GABRG3: variants seen among roughly 807,000 people sequenced by gnomAD.
GABRG3 encodes gamma-aminobutyric acid type A receptor subunit gamma3.
GABRG3 carries 25 observed loss-of-function variants against 48.8 expected under a neutral mutation model. The observed-to-expected ratio is 0.51, with a 90% CI of 0.37 to 0.72. GABRG3 has a LOEUF of 0.72. Among genes scored for constraint, GABRG3 ranks in the 30% least tolerant of loss-of-function variants. The pLI is 0.00. For missense variants in GABRG3, 394 were observed against 577.9 expected (o/e 0.68, Z 3.26); for synonymous variants, 227 against 217.6 (o/e 1.04, Z -0.38).
intron 5 of GABRG3, among the ~76,000 whole-genome samples, chr15:27,450,237 G>T (rs1387258738): frequency 6.6e-6 from 1 of 152,098 alleles, no homozygotes; most frequent in African/African-American, 2.4e-5. Flanking sequence ...TACCGCATAT[G>T]TTGCTTCAAA....
chr15:27,248,964 C>T (rs1890362084), intron 3 of GABRG3, among the ~76,000 whole-genome samples: 1 of 152,120 alleles, frequency 6.6e-6, no homozygotes, highest in Non-Finnish European at 1.5e-5. Flanking sequence ...GCTGAGGACC[C>T]CGAGACAGGC....
At chr15:27,359,642 C>T (rs1410415835) in intron 5 of GABRG3, among the ~76,000 whole-genome samples, 1 of 152,132 alleles carries the variant, frequency 6.6e-6, no homozygotes, top group Non-Finnish European at 1.5e-5. Flanking sequence ...AAGAAAAGCA[C>T]CTTTATGACT....
intron 2 of GABRG3, among the ~76,000 whole-genome samples, chr15:27,017,823 T>A (rs1356252804): frequency 6.6e-6 from 1 of 152,174 alleles, no homozygotes; most frequent in Non-Finnish European, 1.5e-5. Context: ...TAGCTTCACA[T>A]GGAAAGTAGG....
intron 3 of GABRG3, among the ~76,000 whole-genome samples, chr15:27,124,170 A>G (rs542626020): frequency 5.3e-5 from 8 of 152,372 alleles, no homozygotes; most frequent in Admixed American, 2.0e-4. Flanking sequence ...TGCAATGTCC[A>G]TGATTTCTAC....
intron 3 of GABRG3, among the ~76,000 whole-genome samples, chr15:27,047,853 A>G (rs1012753007): frequency 6.6e-6 from 1 of 152,224 alleles, no homozygotes; most frequent in African/African-American, 2.4e-5. Context: ...TTAATTGTGC[A>G]CTTTATCTTT....
At chr15:27,174,970 T>C (rs1595567024) in intron 3 of GABRG3, among the ~76,000 whole-genome samples, 1 of 152,122 alleles carries the variant, frequency 6.6e-6, no homozygotes, top group East Asian at 1.9e-4. Flanking sequence ...TCACAGTTTC[T>C]AGAACCTTCC....
At chr15:27,210,533 A>G (rs1171097445) in intron 3 of GABRG3, among the ~76,000 whole-genome samples, 1 of 152,306 alleles carries the variant, frequency 6.6e-6, no homozygotes, top group East Asian at 1.9e-4. Flanking sequence ...CCCCAAATTG[A>G]TACACAATTG....
chr15:27,173,551 C>T lies in GABRG3; in HGVS notation c.270+146730C>T, dbSNP rs116758658. ...TATATTTGGAGTACTTTTCCCTTAC[C>T]GTAACACTTGTAAGAAAATTTTGTT... On this transcript the variant is annotated intron_variant, in intron 3 of 9. Coordinates refer to ENST00000615808, the MANE Select transcript of GABRG3 (RefSeq NM_033223.5). Among the ~76,000 whole-genome samples, 749 of 151,986 alleles carry T rather than the reference C, an allele frequency of 4.9e-3. 5 individuals carry two copies. The highest frequency in any genetic ancestry group is 0.015 in the African/African-American group (615 of 41,454).
chr15:27,169,678 C>T (rs774815030), intron 3 of GABRG3, among the ~76,000 whole-genome samples: 2 of 152,144 alleles, frequency 1.3e-5, no homozygotes, highest in Non-Finnish European at 2.9e-5. Context: ...TCTCGGCAGG[C>T]TCAGGCTGCC....
chr15:27,244,205 C>T (rs144518750), intron 3 of GABRG3, among the ~76,000 whole-genome samples: 1 of 152,158 alleles, frequency 6.6e-6, no homozygotes, highest in African/African-American at 2.4e-5. Flanking sequence ...AAGAGAGGTG[C>T]TCACTGAGCT....
chr15:27,366,535 G>A (rs1468887232), intron 5 of GABRG3: 1 of 152,158 alleles, frequency 6.6e-6, no homozygotes, highest in South Asian at 2.1e-4. Context: ...CCCTGTCTGC[G>A]GGGTAGGTCT....
At chr15:27,436,135 A>C (rs1395542505) in intron 5 of GABRG3, among the ~76,000 whole-genome samples, 1 of 152,152 alleles carries the variant, frequency 6.6e-6, no homozygotes, top group African/African-American at 2.4e-5. Flanking sequence ...ACAAATATTC[A>C]TTTCTCACAA....
chr15:27,078,309 G>A (rs1896941356), intron 3 of GABRG3, among the ~76,000 whole-genome samples: 2 of 152,194 alleles, frequency 1.3e-5, no homozygotes, highest in Admixed American at 6.5e-5. Flanking sequence ...GTGTGAGCCA[G>A]TTCCTTCCAA....
intron 3 of GABRG3, among the ~76,000 whole-genome samples, chr15:27,140,870 C>G (rs1221083267): frequency 6.6e-6 from 1 of 152,092 alleles, no homozygotes; most frequent in East Asian, 1.9e-4. Context: ...TGATTTTTGA[C>G]ATCTCATTTA....
chr15:27,218,097 C>T (rs1319156451), intron 3 of GABRG3, among the ~76,000 whole-genome samples: 1 of 152,166 alleles, frequency 6.6e-6, no homozygotes, highest in Non-Finnish European at 1.5e-5. Context: ...GTAGCCTCCA[C>T]CCTCCAGCCT....
At chr15:27,211,834 AC>A (rs1416732984) in intron 3 of GABRG3, among the ~76,000 whole-genome samples, 14 of 152,172 alleles carry the variant, frequency 9.2e-5, no homozygotes, top group Admixed American at 1.3e-4. Context: ...ATCTGCAAAA[AC>A]TACTACATTG....
Position 27,352,100 on chromosome 15 carries a change from T to C in GABRG3, c.574+23212T>C, listed in dbSNP as rs536185558. ...GTATGGTGCATGTGTGTGTATGATG[T>C]GTGTATGTATGGTGTGTGTGTATGT... On this transcript the variant is annotated intron_variant, in intron 5 of 9. Transcript: ENST00000615808. The surrounding 1 kb of genome is among the most constrained non-coding windows in gnomAD (Gnocchi z 4.0). 7.3e-5 allele frequency among the ~76,000 whole-genome samples: 11 copies of C among 151,214 alleles called. No individual in the cohort carries two copies. The highest frequency in any genetic ancestry group is 1.3e-4 in the Non-Finnish European group (9 of 67,696).
At chr15:27,186,015 CTT>C (rs10580180) in intron 3 of GABRG3, among the ~76,000 whole-genome samples, 72,072 of 130,984 alleles carry the variant, frequency 0.55, 17,685 homozygotes, top group East Asian at 0.77. Flanking sequence ...GTATTTAAAT[CTT>C]TTTTTTTTTT....
intron 3 of GABRG3, among the ~76,000 whole-genome samples, chr15:27,066,567 G>C (rs1896741212): frequency 6.6e-6 from 1 of 152,080 alleles, no homozygotes; most frequent in Admixed American, 6.5e-5. Context: ...TAGACCTCAG[G>C]CCACCAGAAG....
Sources: gnomAD v4.1 joint callset for allele counts (sites outside exome capture counted in the v4.1 genomes callset) on GRCh38, gnomAD v4.1.1 for gene constraint, Gnocchi (gnomAD v3.1) non-coding constraint, MANE v1.5 for transcripts, NCBI Gene and HGNC (gene_info 2026-07-23, HGNC 2026-07-21) for gene names.